Variants in NRP1 observed in about 807,000 individuals in gnomAD.
The protein encoded by NRP1 is neuropilin-1.
NRP1 carries 35 observed loss-of-function variants against 106.7 expected under a neutral mutation model. The observed-to-expected ratio is 0.33, with a 90% CI of 0.25 to 0.43. The LOEUF (loss-of-function observed/expected upper bound fraction) is 0.43. Among genes scored for constraint, NRP1 ranks in the 20% least tolerant of loss-of-function variants. The pLI, the probability that NRP1 is intolerant of heterozygous loss-of-function variation, is 1.00. For missense variants in NRP1, 1,024 were observed against 1,170.4 expected (o/e 0.87, Z 1.83); for synonymous variants, 437 against 417.9 (o/e 1.05, Z -0.56).
intron 6 of NRP1, among the ~76,000 whole-genome samples, chr10:33,241,278 A>T (rs759422385): frequency 1.3e-5 from 2 of 152,192 alleles, no homozygotes; most frequent in African/African-American, 4.8e-5. Context: ...TGCTCTGAAG[A>T]CATGTGCTCC....
At position 33,180,344 on chromosome 10, in the gene NRP1, C is replaced by T. The variant is rs1564358248; in HGVS notation, c.2504G>A (p.Gly835Asp). Residue 835 changes from glycine to aspartate, a missense_variant, in exon 17 of 17, where the codon GGT (glycine) becomes GAT (aspartate). By Grantham distance (94) the Gly-to-Asp change is moderately conservative (BLOSUM62 -1). This residue lies in a region of NRP1 where 164 missense variants were observed against 161.4 expected (regional missense o/e 1.02). Transcript: ENST00000374867. ...GATGTTCTTGTCACCTTCTCCTTCACCTTCGTATCCTGGCGTGCTCCCTAT... is the reference window on the plus strand; with the variant it reads ...GATGTTCTTGTCACCTTCTCCTTCATCTTCGTATCCTGGCGTGCTCCCTAT... ...DETGSTPGYE[G>D]EGEGDKNISR... The T allele has an allele frequency of 2.5e-6, 4 of 1,601,824 alleles. No individual in the cohort carries two copies. Among genetic ancestry groups the T allele is most frequent in the Middle Eastern group, 3.3e-4 (2 of 6,024 alleles).
At chr10:33,212,116 T>A (rs1838350710) in intron 9 of NRP1, 1 of 152,254 alleles carries the variant, frequency 6.6e-6, no homozygotes, top group Non-Finnish European at 1.5e-5. Context: ...AAAAAAATTA[T>A]ACCACGGGTT....
At chr10:33,275,299 C>G (rs1280647404) in intron 2 of NRP1, among the ~76,000 whole-genome samples, 2 of 152,162 alleles carry the variant, frequency 1.3e-5, no homozygotes, top group African/African-American at 4.8e-5. Context: ...AAAGTGTGTT[C>G]AGCTCATGCC....
At chr10:33,308,349 A>G (rs891136095) in intron 2 of NRP1, among the ~76,000 whole-genome samples, 1 of 150,750 alleles carries the variant, frequency 6.6e-6, no homozygotes, top group East Asian at 1.9e-4. Context: ...GTACACGTAC[A>G]GGTTTATATA....
At chr10:33,322,814 C>T (rs1564489376) in intron 2 of NRP1, among the ~76,000 whole-genome samples, 1 of 152,186 alleles carries the variant, frequency 6.6e-6, no homozygotes, top group Non-Finnish European at 1.5e-5. Context: ...TATACTTAAA[C>T]TTTCCTGAGA....
intron 4 of NRP1, among the ~76,000 whole-genome samples, chr10:33,258,161 A>G (rs1346553646): frequency 1.3e-5 from 2 of 152,224 alleles, no homozygotes; most frequent in Non-Finnish European, 2.9e-5. Flanking sequence ...TGTTCCTAGT[A>G]GGCAGCAAAT....
chr10:33,226,664 T>A (rs930562603), intron 6 of NRP1, among the ~76,000 whole-genome samples: 1 of 152,314 alleles, frequency 6.6e-6, no homozygotes, highest in South Asian at 2.1e-4. Flanking sequence ...GCTCTTTAAG[T>A]CTGATAAGAA....
intron 9 of NRP1, 98 bp from the exon 10 acceptor site, chr10:33,207,814 A>G (rs1564382125): frequency 1.5e-6 from 2 of 1,334,598 alleles, no homozygotes; most frequent in Middle Eastern, 2.7e-4. Context: ...TGAATAAGGC[A>G]GAGAAATTGG....
chr10:33,217,082 T>TAA (rs1397645973), intron 8 of NRP1, among the ~76,000 whole-genome samples: 1 of 152,140 alleles, frequency 6.6e-6, no homozygotes. Context: ...GTGTTAAAAA[T>TAA]AGAGTGCCAT....
intron 13 of NRP1, among the ~76,000 whole-genome samples, chr10:33,189,328 C>A (rs1836250335): frequency 1.3e-5 from 2 of 152,220 alleles, no homozygotes; most frequent in Admixed American, 6.5e-5. Context: ...CTGTGCAAAG[C>A]ACACCAAACA....
chr10:33,198,073 C>CT (rs78668305), intron 11 of NRP1, among the ~76,000 whole-genome samples: 15,612 of 125,790 alleles, frequency 0.12, 1,263 homozygotes, highest in East Asian at 0.49. Flanking sequence ...CTATTTTAGG[C>CT]TTTTTTTTTT....
chr10:33,334,499 T>C lies in NRP1; in HGVS notation c.-117A>G. On this transcript the variant is annotated 5_prime_UTR_variant, in exon 1 of 17. Transcript: ENST00000374867. Reference sequence around the variant, plus strand: ...CCCAACTCCGCCTAGAGCTGTACAATCCTCAGCCCGTCTTGGAGAAAAGAA... The same window carrying C: ...CCCAACTCCGCCTAGAGCTGTACAACCCTCAGCCCGTCTTGGAGAAAAGAA... 1.2e-6 allele frequency: 1 copy of C among 823,202 alleles called. No individual in the cohort carries two copies. The highest frequency in any genetic ancestry group is 1.6e-5 in the South Asian group (1 of 61,656). 51.0% of individuals were successfully genotyped at this position (823,202 alleles called of 1,614,324 possible). A position where few individuals can be genotyped will look rare whatever the true frequency, so the allele number is the denominator to read the frequency against.
intron 2 of NRP1, among the ~76,000 whole-genome samples, chr10:33,276,950 A>T (rs976714013): frequency 2.0e-5 from 3 of 152,012 alleles, no homozygotes; most frequent in Admixed American, 6.6e-5. Flanking sequence ...AAATTTTTTT[A>T]AAAACATTAG....
chr10:33,194,768 A>G (rs181954497), intron 12 of NRP1: 36 of 526,662 alleles, frequency 6.8e-5, no homozygotes, highest in African/African-American at 4.0e-4. Context: ...CAATGTGGAA[A>G]CTTCCAGCCT....
Position 33,263,677 on chromosome 10 carries a change from G to A in NRP1, c.627C>T (p.Asp209=), listed in dbSNP as rs1842726830. The change falls in exon 4 of 17, where the codon GAC becomes GAT. Residue 209 remains aspartate, a synonymous_variant. Coordinates refer to ENST00000374867, the MANE Select transcript of NRP1 (RefSeq NM_003873.7). ...GGAATCCATCCCAGATTTCTAGCCG[G>A]TCGTAGCGACAGAACATCCCCCCTG... The part of the protein sequence containing the change: ...NPPGGMFCRY[D]RLEIWDGFPD... The A allele has an allele frequency of 6.2e-7, 1 of 1,614,032 alleles. No individual in the cohort carries two copies. The highest frequency in any genetic ancestry group is 8.5e-7 in the Non-Finnish European group (1 of 1,179,976).
In NRP1 at chr10:33,334,378, T is replaced by A; in HGVS notation, c.5A>T (p.Glu2Val). The A allele has an allele frequency of 1.3e-6, 2 of 1,545,294 alleles. No homozygotes were observed. Among genetic ancestry groups the A allele is most frequent in the Admixed American group, 2.0e-5 (1 of 51,184 alleles). ...GGCGCAGAGGAGCGGCAGCCCCCTC[T>A]CCATTCTCCCTTCTCCGGGTCCGCA... M[E>V]RGLPLLCAVL... The change falls in exon 1 of 17, where the codon GAG becomes GTG. Residue 2 changes from glutamate to valine, a missense_variant. Around this residue, in one of 5 missense-constraint regions of NRP1, gnomAD observed 279 missense variants for 327.4 expected, o/e 0.85. Coordinates refer to ENST00000374867, the MANE Select transcript of NRP1 (RefSeq NM_003873.7).
At chr10:33,254,405 C>T (rs926647031) in intron 5 of NRP1, among the ~76,000 whole-genome samples, 14 of 152,144 alleles carry the variant, frequency 9.2e-5, no homozygotes, top group African/African-American at 3.4e-4. Flanking sequence ...TAATAATTTT[C>T]CCAAGTGGAC....
Position 33,305,930 on chromosome 10 carries a change from G to A in NRP1, c.248+24778C>T, listed in dbSNP as rs557441773. ...ACTACAGGCACATACCACCACGCCC[G>A]GCTAATTTTTGTATTTTTAGTAGAG... On this transcript the variant is annotated intron_variant, in intron 2 of 16. Transcript: ENST00000374867. Among the ~76,000 whole-genome samples, 12 of 151,712 alleles carry A rather than the reference G, an allele frequency of 7.9e-5. No homozygotes were observed. The East Asian group carries it at 1.6e-3, about 20-fold the overall frequency.
intron 10 of NRP1, 116 bp downstream of exon 10, chr10:33,207,456 A>T (rs950422573): frequency 1.8e-6 from 2 of 1,107,436 alleles, no homozygotes; most frequent in African/African-American, 3.1e-5. Flanking sequence ...GCACCGAGAT[A>T]AGGGGCCTCC....
Sources: gnomAD v4.1 joint callset for allele counts (sites outside exome capture counted in the v4.1 genomes callset) on GRCh38, gnomAD v4.1.1 for gene constraint, gnomAD v4.1.1 regional missense constraint, MANE v1.5 for transcripts, NCBI Gene and HGNC (gene_info 2026-07-23, HGNC 2026-07-21) for gene names.